Variants in LILRB5 observed in about 807,000 individuals in gnomAD.
LILRB5 encodes leukocyte immunoglobulin-like receptor subfamily B member 5.
Under a neutral mutation model 68.4 loss-of-function variants are expected in LILRB5, and 61 were observed. The ratio of observed to expected loss-of-function variants is 0.89; its 90% CI spans 0.73 to 1.10. The LOEUF is 1.10. Ranked by LOEUF, LILRB5 falls within the 50% of genes least tolerant of loss-of-function variation. The pLI is 0.00. For synonymous variants in LILRB5, 356 were observed against 315.8 expected, an observed-to-expected ratio of 1.13 and a Z score of -1.35; for missense variants, 771 against 751.6, an observed-to-expected ratio of 1.03 and a Z score of -0.30.
chr19:54,256,172 A>G lies in LILRB5; in HGVS notation c.526T>C (p.Ser176Pro), dbSNP rs575540559. The G allele has an allele frequency of 6.1e-5, 99 of 1,613,686 alleles. No individual in the cohort carries two copies. The highest frequency in any genetic ancestry group is 8.2e-5 in the Non-Finnish European group (97 of 1,179,890). ...GGACCCACAGGGAACAGGGCCTGGG[A>G]TGGCCCTTTGGGGAGCTTCTGTGAG... ...LYSQKLPKGP[S>P]QALFPVGPVT... The change falls in exon 4 of 13, where the codon TCC becomes CCC. Residue 176 changes from serine to proline, a missense_variant. By Grantham distance (74) the Ser-to-Pro change is moderately conservative. Coordinates refer to ENST00000449561, the MANE Select transcript of LILRB5 (RefSeq NM_001081442.3).
In LILRB5 at chr19:54,254,756, G is replaced by A. The variant is rs1314696288; in HGVS notation, c.1234C>T (p.Pro412Ser). 6.8e-6 allele frequency: 11 copies of A among 1,613,948 alleles called. No individual in the cohort carries two copies. Among genetic ancestry groups the A allele is most frequent in the Non-Finnish European group, 9.3e-6 (11 of 1,179,980 alleles). Residue 412 changes from proline to serine, a missense_variant, in exon 6 of 13, where the codon CCC becomes TCC. Pro to Ser is a moderately conservative substitution (Grantham distance 74). Transcript: ENST00000449561. ...YPYLLSSPSY[P>S]QELVVSGPSG... is the part of the protein sequence containing the mutation. ...TCACCTGAGACCACGAGCTCCTGGG[G>A]GTAACTAGGGCTGGACAGCAGGTAG...
At chr19:54,254,445 C>A (rs200951180) in intron 6 of LILRB5, 30 bp from the exon 7 acceptor site, 2 of 1,559,774 alleles carry the variant, frequency 1.3e-6, no homozygotes, top group Admixed American at 2.0e-5. Flanking sequence ...GGGAGCGAGG[C>A]GCTTTGGTGC....
rs375650048 is a variant in LILRB5, at chr19:54,257,197, G to A, written c.-4C>T. On this transcript the variant is annotated 5_prime_UTR_variant, in exon 1 of 13. In the 5' UTR this introduces an upstream ATG that the reference lacks. Coordinates refer to ENST00000449561, the MANE Select transcript of LILRB5 (RefSeq NM_001081442.3). ...GGACTGAGAGGGTGAGGGTCATGGC[G>A]TCAGCTCCCACTGGACTCAGCTGTG... is the stretch of plus-strand genomic sequence containing the variant. The A allele has an allele frequency of 7.1e-5, 115 of 1,614,088 alleles. No individual in the cohort carries two copies. Among genetic ancestry groups the A allele is most frequent in the Non-Finnish European group, 9.0e-5 (106 of 1,180,046 alleles).
intron 8 of LILRB5, chr19:54,253,718 T>G: frequency 9.5e-7 from 1 of 1,055,898 alleles, no homozygotes; most frequent in Non-Finnish European, 1.4e-6. Flanking sequence ...CCCGCAGCCC[T>G]TGTTCTCTGC....
intron 6 of LILRB5, 152 bp downstream of exon 6, chr19:54,254,580 GTCC>G: frequency 8.1e-7 from 1 of 1,230,268 alleles, no homozygotes; most frequent in Non-Finnish European, 1.2e-6. Flanking sequence ...AGCCCCCGTT[GTCC>G]TCCTCCCCTC....
chr19:54,251,068 C>T (rs2078935180), intron 12 of LILRB5, 136 bp from the exon 13 acceptor site: 2 of 1,569,056 alleles, frequency 1.3e-6, no homozygotes, highest in South Asian at 2.2e-5. Context: ...CCAGGAATTC[C>T]CCAGACAGTG....
chr19:54,256,614 G>A lies in LILRB5; in HGVS notation c.230C>T (p.Pro77Leu). ...AATGTGGAACTTGGCCTTGGCTCCA[G>A]GCTCCAGTGGGTTCTGTCTCTTCCG... ...WARKRQNPLE[P>L]GAKAKFHIPS... Residue 77 changes from proline (P) to leucine (L), a missense_variant, in exon 3 of 13, where the codon CCT becomes CTT. Physicochemically the swap from Pro to Leu is moderately conservative, Grantham distance 98 (BLOSUM62 -3). Coordinates refer to ENST00000449561, the MANE Select transcript of LILRB5 (RefSeq NM_001081442.3). 1 of 1,614,174 alleles carries A rather than the reference G, an allele frequency of 6.2e-7. No individual in the cohort carries two copies. The highest frequency in any genetic ancestry group is 8.5e-7 in the Non-Finnish European group (1 of 1,179,996).
At position 54,256,152 on chromosome 19, in the gene LILRB5, C is replaced by T; in HGVS notation, c.546G>A (p.Val182=). The change falls in exon 4 of 13, where the codon GTG becomes GTA. Residue 182 remains valine (V), a synonymous_variant. Transcript: ENST00000449561. ...PKGPSQALFP[V]GPVTPSCRWR... ...ACCTGCAGCTGGGGGTCACGGGACC[C>T]ACAGGGAACAGGGCCTGGGATGGCC... The T allele has an allele frequency of 1.9e-6, 3 of 1,612,210 alleles. No individual in the cohort carries two copies. The highest frequency in any genetic ancestry group is 2.5e-6 in the Non-Finnish European group (3 of 1,179,318).
Position 54,253,722 on chromosome 19 carries a change from T to A in LILRB5, c.1357+296A>T, listed in dbSNP as rs1015980893. On this transcript the variant is annotated intron_variant, in intron 8 of 12. Transcript: ENST00000449561. ...CAGGAGTCTGACCCGCAGCCCTTGT[T>A]CTCTGCACCTGAGCGGAGCCCCGGA... is the stretch of plus-strand genomic sequence containing the variant. 30 of 1,074,432 alleles carry A rather than the reference T, an allele frequency of 2.8e-5. 1 individual carries two copies. The Admixed American group carries it at 6.2e-4, about 22-fold the overall frequency. The allele number at this position is 1,074,432 out of a possible 1,614,324, so 66.6% of individuals were successfully genotyped here.
intron 8 of LILRB5, chr19:54,253,725 C>A: frequency 9.1e-7 from 1 of 1,099,876 alleles, no homozygotes; most frequent in Non-Finnish European, 1.3e-6. Context: ...CCCTTGTTCT[C>A]TGCACCTGAG....
intron 11 of LILRB5, 21 bp from the exon 12 acceptor site, chr19:54,252,127 G>T (rs758728065): frequency 1.9e-6 from 3 of 1,613,490 alleles, no homozygotes; most frequent in Admixed American, 3.3e-5. Flanking sequence ...AGAGCAAGGG[G>T]TTCATCTCCT....
chr19:54,256,964 C>A lies in LILRB5; in HGVS notation c.67G>T (p.Ala23Ser). 2 of 1,614,204 alleles carry A rather than the reference C, an allele frequency of 1.2e-6. No homozygotes were observed. The highest frequency in any genetic ancestry group is 1.7e-6 in the Non-Finnish European group (2 of 1,180,028). The change falls in exon 2 of 13, where the codon GCA becomes TCA. Residue 23 changes from alanine to serine, a missense_variant. Transcript: ENST00000449561. ...LSVGPRTCVQ[A>S]GTLPKPTLWA... The stretch of plus-strand genomic sequence containing the variant: ...GGACAGCTGGGGACAGACTCACCTG[C>A]CTGCACGCAGGTCCTGGGGCCCACA...
intron 8 of LILRB5, chr19:54,253,717 C>G: frequency 1.9e-6 from 2 of 1,056,414 alleles, no homozygotes; most frequent in Non-Finnish European, 2.8e-6. Context: ...ACCCGCAGCC[C>G]TTGTTCTCTG....
At chr19:54,253,712 C>T in intron 8 of LILRB5, 1 of 1,012,630 alleles carries the variant, frequency 9.9e-7, no homozygotes. Flanking sequence ...GTCTGACCCG[C>T]AGCCCTTGTT....
chr19:54,256,663 C>T lies in LILRB5; in HGVS notation c.181G>A (p.Asp61Asn). 6.2e-7 allele frequency: 1 copy of T among 1,614,186 alleles called. No homozygotes were observed. The highest frequency in any genetic ancestry group is 2.2e-5 in the East Asian group (1 of 44,894). Residue 61 changes from aspartate (D) to asparagine (N), a missense_variant, in exon 3 of 13, where the codon GAT becomes AAT. Physicochemically the swap from Asp to Asn is conservative, Grantham distance 23 (BLOSUM62 1). Coordinates refer to ENST00000449561, the MANE Select transcript of LILRB5 (RefSeq NM_001081442.3). The stretch of plus-strand genomic sequence containing the variant: ...CGGGCCCATGGGAGTCCCTCCTTAT[C>T]CAGACGGTACTCCTCAGTCTCCAGG... ...GPLETEEYRL[D>N]KEGLPWARKR... is the part of the protein sequence containing the mutation.
Position 54,252,475 on chromosome 19 carries a change from T to G in LILRB5, c.1538+11A>C, listed in dbSNP as rs191264163. On this transcript the variant is annotated intron_variant, in intron 10 of 12. Transcript: ENST00000449561. ...GGTGGATGGGAGTCTTGGGTCTTCA[T>G]GCAGAATTACCTCTTCTGCAGGCCC... 5 of 1,614,134 alleles carry G rather than the reference T, an allele frequency of 3.1e-6. No homozygotes were observed. Among genetic ancestry groups the G allele is most frequent in the South Asian group, 2.2e-5 (2 of 91,092 alleles).
Position 54,254,078 on chromosome 19 carries a change from G to T in LILRB5, c.1307-10C>A. ...TGGTCCTCAGGGCCTGCTGGGTCAG[G>T]ACGGGGAGGTGAGGGCTGGGGCTGC... On this transcript the variant is annotated splice_polypyrimidine_tract_variant and intron_variant, in intron 7 of 12. Coordinates refer to ENST00000449561, the MANE Select transcript of LILRB5 (RefSeq NM_001081442.3). The T allele has an allele frequency of 6.3e-7, 1 of 1,593,624 alleles. No homozygotes were observed. Among genetic ancestry groups the T allele is most frequent in the Non-Finnish European group, 8.5e-7 (1 of 1,170,090 alleles).
rs759999245 is a variant in LILRB5 at position 54,250,509 on chromosome 19, A to T, written c.*277T>A. 2.8e-5 allele frequency: 13 copies of T among 464,200 alleles called. No individual in the cohort carries two copies. The highest frequency in any genetic ancestry group is 4.9e-5 in the Non-Finnish European group (13 of 263,916). 28.8% of individuals were successfully genotyped at this position (464,200 alleles called of 1,614,324 possible). The stretch of plus-strand genomic sequence containing the variant: ...TCATTTAATGTGTAATATTTACATT[A>T]TCATTCCAAATTTATACCATGCTCT... On this transcript the variant is annotated 3_prime_UTR_variant, in exon 13 of 13. Coordinates refer to ENST00000449561, the MANE Select transcript of LILRB5 (RefSeq NM_001081442.3).
In LILRB5 at chr19:54,256,744, C is replaced by A. The variant is rs759401972; in HGVS notation, c.100G>T (p.Glu34Ter). 1.7e-5 allele frequency: 27 copies of A among 1,613,970 alleles called. No homozygotes were observed. In the Admixed American group the frequency reaches 2.8e-4, roughly 17 times the overall value. The change falls in exon 3 of 13, where the codon GAG (glutamate) becomes TAG (stop). Residue 34 changes from glutamate to a stop codon, truncating the protein, a stop_gained. Transcript: ENST00000449561. LOFTEE classifies it high-confidence loss of function. ...CCCCGAGCTATCACAGAGGCTGGCT[C>A]AGCCCAGAGGGTGGGTTTGGGGAGG... is the stretch of plus-strand genomic sequence containing the variant. The part of the protein sequence containing the change: ...GTLPKPTLWA[E>*]PASVIARGKP...
Sources: allele counts gnomAD v4.1 joint callset, GRCh38; gene constraint gnomAD v4.1.1; transcripts MANE v1.5; gene names NCBI Gene and HGNC (gene_info 2026-07-23, HGNC 2026-07-21).